ESR1: variants seen among roughly 807,000 people sequenced by gnomAD.
ESR1 encodes the protein estrogen receptor 1.
In ESR1, 12 loss-of-function variants were observed where a neutral mutation model predicts 52.7. That is an observed-to-expected ratio of 0.23 (90% CI 0.15 to 0.37). ESR1 has a LOEUF of 0.37. ESR1 is among the 10% of genes least tolerant of loss of function. ESR1 has a pLI of 1.00. For missense variants in ESR1, 584 were observed against 779.7 expected (o/e 0.75, Z 2.99); for synonymous variants, 305 against 316.8 (o/e 0.96, Z 0.39).
chr6:151,803,068 T>A (rs1308842134), upstream of ESR1, among the ~76,000 whole-genome samples: 2 of 152,118 alleles, frequency 1.3e-5, no homozygotes, highest in African/African-American at 4.8e-5. Flanking sequence ...CCTATAATAT[T>A]ACATTGTCCT....
intron 2 of ESR1, among the ~76,000 whole-genome samples, chr6:151,857,532 T>C (rs936032081): frequency 2.6e-5 from 4 of 151,746 alleles, no homozygotes; most frequent in Non-Finnish European, 5.9e-5. Flanking sequence ...TACTTTTTTT[T>C]CTTTTTTTTA....
At chr6:151,995,358 C>T (rs1216706833) in intron 4 of ESR1, among the ~76,000 whole-genome samples, 4 of 152,060 alleles carry the variant, frequency 2.6e-5, no homozygotes, top group African/African-American at 9.7e-5. Context: ...TCCATCCATT[C>T]GTCTATTCAT....
intron 1 of ESR1, among the ~76,000 whole-genome samples, chr6:151,694,754 T>C (rs1229186892): frequency 6.8e-6 from 1 of 148,116 alleles, no homozygotes; most frequent in East Asian, 2.0e-4. Context: ...GCCATTGAAC[T>C]CCCACCTGGG....
intron 2 of ESR1, among the ~76,000 whole-genome samples, chr6:151,780,916 A>G (rs1786484655): frequency 6.6e-6 from 1 of 152,244 alleles, no homozygotes; most frequent in Non-Finnish European, 1.5e-5. Flanking sequence ...CCTAGTTTTA[A>G]ATCAAAATGT....
chr6:151,945,010 G>A (rs532049476), intron 4 of ESR1, among the ~76,000 whole-genome samples: 54 of 152,278 alleles, frequency 3.5e-4, no homozygotes, highest in African/African-American at 1.3e-3. Flanking sequence ...GAGCCCAGGA[G>A]CTTGAGGCCA....
At chr6:151,896,663 AT>A (rs1017630043) in intron 3 of ESR1, among the ~76,000 whole-genome samples, 3 of 141,720 alleles carry the variant, frequency 2.1e-5, no homozygotes, top group African/African-American at 5.2e-5. Flanking sequence ...TATCTTTTGT[AT>A]TTTTTTTTCA....
intron 3 of ESR1, among the ~76,000 whole-genome samples, chr6:151,883,818 C>T (rs1238663203): frequency 1.3e-5 from 2 of 152,130 alleles, no homozygotes; most frequent in African/African-American, 4.8e-5. Context: ...AGATGGCTGC[C>T]TTCTCTCTGT....
chr6:151,809,243 G>A (rs1160608624), intron 1 of ESR1: 2 of 427,118 alleles, frequency 4.7e-6, no homozygotes, highest in Admixed American at 5.1e-5. Context: ...CAGGACACAG[G>A]AGACCACTTT....
At chr6:151,679,826 T>C (rs1778388764) in intron 1 of ESR1, among the ~76,000 whole-genome samples, 1 of 152,192 alleles carries the variant, frequency 6.6e-6, no homozygotes, top group African/African-American at 2.4e-5. Context: ...CTGAGCTGTT[T>C]ATGTCCAGAA....
chr6:151,869,296 C>A (rs1314825903), intron 2 of ESR1, among the ~76,000 whole-genome samples: 1 of 152,154 alleles, frequency 6.6e-6, no homozygotes, highest in Non-Finnish European at 1.5e-5. Context: ...GAGGGGTCTA[C>A]AGGTGAGCTG....
At chr6:151,878,098 A>G (rs1792167209) in intron 2 of ESR1, among the ~76,000 whole-genome samples, 2 of 152,168 alleles carry the variant, frequency 1.3e-5, no homozygotes, top group South Asian at 4.1e-4. Flanking sequence ...TATAGGCATG[A>G]GCTGCCACAC....
chr6:151,964,588 C>T (rs909557081), intron 4 of ESR1, among the ~76,000 whole-genome samples: 1 of 150,796 alleles, frequency 6.6e-6, no homozygotes, highest in Admixed American at 6.6e-5. Flanking sequence ...TTGGTGTTTT[C>T]TGTATATATG....
chr6:151,798,053 C>G (rs1375887137), intron 2 of ESR1, among the ~76,000 whole-genome samples: 1 of 152,146 alleles, frequency 6.6e-6, no homozygotes, highest in Admixed American at 6.5e-5. Context: ...AGTTGTACAT[C>G]TTGAACTCTG....
intron 5 of ESR1, among the ~76,000 whole-genome samples, chr6:152,042,704 A>C (rs2128901382): frequency 6.6e-6 from 1 of 152,194 alleles, no homozygotes; most frequent in South Asian, 2.1e-4. Flanking sequence ...TGTCTACTTG[A>C]CCTGGAAGTT....
intron 5 of ESR1, among the ~76,000 whole-genome samples, chr6:152,022,011 CTT>C (rs912943989): frequency 1.3e-5 from 2 of 152,154 alleles, no homozygotes; most frequent in Non-Finnish European, 2.9e-5. Context: ...TCATGTATGT[CTT>C]TATCAGCAGC....
At chr6:152,089,157 G>T (rs778523601) in intron 6 of ESR1, among the ~76,000 whole-genome samples, 2 of 152,170 alleles carry the variant, frequency 1.3e-5, no homozygotes, top group Non-Finnish European at 2.9e-5. Context: ...CTCTGGAGAC[G>T]ATGTCAATGT....
intron 2 of ESR1, among the ~76,000 whole-genome samples, chr6:151,851,997 A>G (rs1328673368): frequency 6.6e-6 from 1 of 152,218 alleles, no homozygotes. Flanking sequence ...GGAATAGAAT[A>G]AAGGATATTA....
intron 1 of ESR1, among the ~76,000 whole-genome samples, chr6:151,692,548 A>G (rs1470535764): frequency 1.3e-5 from 2 of 152,198 alleles, no homozygotes; most frequent in Non-Finnish European, 2.9e-5. Flanking sequence ...GTCTTCATCT[A>G]TGGCAGTGGA....
intron 3 of ESR1, among the ~76,000 whole-genome samples, chr6:151,919,903 T>C (rs2031250464): frequency 1.3e-5 from 2 of 152,302 alleles, no homozygotes; most frequent in Middle Eastern, 3.4e-3. Flanking sequence ...TATGTATATG[T>C]ACATGTATAT....
Sources: allele counts gnomAD v4.1 joint callset (sites outside exome capture counted in the v4.1 genomes callset), GRCh38; gene constraint gnomAD v4.1.1; transcripts MANE v1.5; gene names NCBI Gene and HGNC (gene_info 2026-07-23, HGNC 2026-07-21).